The following DNAI1 variants were observed in gnomAD, a reference collection of about 807,000 sequenced individuals.
DNAI1 encodes the protein dynein axonemal intermediate chain 1, also known as dynein, axonemal, intermediate polypeptide 1.
In DNAI1, 67 loss-of-function variants were observed where a neutral mutation model predicts 92.0. That is an observed-to-expected ratio of 0.73 (90% CI 0.60 to 0.89). DNAI1 has a LOEUF of 0.89. DNAI1 is among the 40% of genes least tolerant of loss of function. The pLI is 0.00. For missense variants in DNAI1, 839 were observed against 866.6 expected, an observed-to-expected ratio of 0.97 and a Z score of 0.40; for synonymous variants, 323 against 319.6, an observed-to-expected ratio of 1.01 and a Z score of -0.11.
chr9:34,495,729 T>A (rs1824708858), intron 9 of DNAI1, among the ~76,000 whole-genome samples: 3 of 152,108 alleles, frequency 2.0e-5, no homozygotes, highest in Admixed American at 2.0e-4. Context: ...AGGTAGAAGA[T>A]GCAGGGAGGG....
At chr9:34,514,861 G>A in intron 18 of DNAI1, 122 bp downstream of exon 18, 1 of 1,104,552 alleles carries the variant, frequency 9.1e-7, no homozygotes, top group Non-Finnish European at 1.3e-6. Flanking sequence ...GGGACATAAG[G>A]ACTGTGTATT....
chr9:34,485,005 G>A (rs1824442378), intron 2 of DNAI1, 137 bp from the exon 3 acceptor site: 2 of 823,398 alleles, frequency 2.4e-6, no homozygotes, highest in South Asian at 2.8e-5. Flanking sequence ...TTTCATGAGT[G>A]GTATGTTATA....
intron 4 of DNAI1, chr9:34,489,111 A>C (rs1824529320): frequency 5.4e-6 from 3 of 558,438 alleles, no homozygotes; most frequent in African/African-American, 1.9e-5. Flanking sequence ...CTTGATGATA[A>C]CTTTAAAAAA....
At chr9:34,476,600 C>T (rs898796442) in intron 1 of DNAI1, among the ~76,000 whole-genome samples, 3 of 152,132 alleles carry the variant, frequency 2.0e-5, no homozygotes, top group Non-Finnish European at 4.4e-5. Context: ...AGAGAGGTGG[C>T]ATCTTGAATG....
chr9:34,480,093 G>T (rs1023400431), intron 1 of DNAI1, among the ~76,000 whole-genome samples: 2 of 152,144 alleles, frequency 1.3e-5, no homozygotes, highest in African/African-American at 4.8e-5. Flanking sequence ...GTGCCATGCT[G>T]CCACCAACGT....
chr9:34,504,730 C>T (rs967797675), intron 12 of DNAI1, among the ~76,000 whole-genome samples: 5 of 152,234 alleles, frequency 3.3e-5, no homozygotes, highest in African/African-American at 4.8e-5. Context: ...GAGCCCAGCT[C>T]GGCACCATGG....
chr9:34,508,931 GTC>G (rs978095800), intron 13 of DNAI1, among the ~76,000 whole-genome samples: 20 of 152,268 alleles, frequency 1.3e-4, no homozygotes, highest in Non-Finnish European at 2.5e-4. Context: ...GGACCCACCT[GTC>G]TCTCACTTGT....
At chr9:34,493,171 C>T (rs1824643195) in intron 8 of DNAI1, 23 bp from the exon 9 acceptor site, 2 of 1,614,004 alleles carry the variant, frequency 1.2e-6, no homozygotes, top group East Asian at 2.2e-5. Flanking sequence ...TACAATGATC[C>T]TTCTTATCTC....
intron 9 of DNAI1, 65 bp downstream of exon 9, chr9:34,493,393 A>T: frequency 3.7e-6 from 6 of 1,608,548 alleles, no homozygotes; most frequent in Non-Finnish European, 4.3e-6. Context: ...CTCTGGGTAG[A>T]CAGAAGCCTG....
chr9:34,462,894 GA>G (rs1823975454), intron 1 of DNAI1, among the ~76,000 whole-genome samples: 1 of 152,152 alleles, frequency 6.6e-6, no homozygotes, highest in African/African-American at 2.4e-5. Context: ...GATATAGCAA[GA>G]AACAAAACAA....
At chr9:34,459,407 TTG>T (rs1364246073) in intron 1 of DNAI1, among the ~76,000 whole-genome samples, 2 of 152,174 alleles carry the variant, frequency 1.3e-5, no homozygotes, top group African/African-American at 4.8e-5. Flanking sequence ...TCTCACATTC[TTG>T]TCCCAAAGGA....
At chr9:34,510,831 T>C (rs1484055735) in intron 13 of DNAI1, among the ~76,000 whole-genome samples, 1 of 151,940 alleles carries the variant, frequency 6.6e-6, no homozygotes, top group Non-Finnish European at 1.5e-5. Context: ...AGAAGCGGTC[T>C]CAATATTAGG....
At chr9:34,509,214 A>G (rs1381536462) in intron 13 of DNAI1, among the ~76,000 whole-genome samples, 1 of 152,132 alleles carries the variant, frequency 6.6e-6, no homozygotes, top group East Asian at 1.9e-4. Context: ...AGAGGAAGCA[A>G]CACCTGAGCT....
chr9:34,488,247 G>A, intron 4 of DNAI1: 1 of 177,386 alleles, frequency 5.6e-6, no homozygotes, highest in South Asian at 9.2e-5. Flanking sequence ...TAAGCCCAAA[G>A]TCATGAAGAT....
At chr9:34,495,870 AG>A (rs1824711809) in intron 9 of DNAI1, among the ~76,000 whole-genome samples, 1 of 152,198 alleles carries the variant, frequency 6.6e-6, no homozygotes, top group African/African-American at 2.4e-5. Context: ...AGCTGGAACC[AG>A]GTGAACTCTG....
In DNAI1 at chr9:34,500,811, A is replaced by G; in HGVS notation, c.991A>G (p.Lys331Glu). ...CTGGAAGTTCCAAAATGACAAAGCCAAGCGCCTGTCCGTCACTGCCCTCTG... is the reference window on the plus strand; with the variant it reads ...CTGGAAGTTCCAAAATGACAAAGCCGAGCGCCTGTCCGTCACTGCCCTCTG... The part of the protein sequence containing the change: ...PLWKFQNDKA[K>E]RLSVTALCWN... Residue 331 changes from lysine (K) to glutamate (E), a missense_variant, in exon 11 of 20, where the codon AAG (lysine) becomes GAG (glutamate). Lys to Glu is a moderately conservative substitution (Grantham distance 56). Transcript: ENST00000242317. 2 of 1,614,198 alleles carry G rather than the reference A, an allele frequency of 1.2e-6. No individual in the cohort carries two copies. The highest frequency in any genetic ancestry group is 1.7e-6 in the Non-Finnish European group (2 of 1,180,016).
At position 34,459,068 on chromosome 9, in the gene DNAI1, C is replaced by T; in HGVS notation, c.48+15C>T. The T allele has an allele frequency of 6.2e-7, 1 of 1,613,242 alleles. No homozygotes were observed. The highest frequency in any genetic ancestry group is 8.5e-7 in the Non-Finnish European group (1 of 1,179,218). On this transcript the variant is annotated intron_variant, in intron 1 of 19. Transcript: ENST00000242317. ...CTCATAAGCAGGTAACGTACGCACA[C>T]CTTCCTTCTGATGACCTCTGACCTT...
intron 19 of DNAI1, among the ~76,000 whole-genome samples, chr9:34,519,058 C>T (rs983861093): frequency 1.3e-5 from 2 of 152,174 alleles, no homozygotes; most frequent in African/African-American, 4.8e-5. Context: ...TGGGGACCTA[C>T]GTCTCTGAGG....
intron 1 of DNAI1, among the ~76,000 whole-genome samples, chr9:34,468,187 CTT>C (rs35471260): frequency 4.8e-5 from 7 of 144,580 alleles, no homozygotes; most frequent in African/African-American, 1.0e-4. Context: ...AGGAAGAAGG[CTT>C]TTTTTTTTTT....
Sources: gnomAD v4.1 joint callset for allele counts (sites outside exome capture counted in the v4.1 genomes callset) on GRCh38, gnomAD v4.1.1 for gene constraint, MANE v1.5 for transcripts, NCBI Gene and HGNC (gene_info 2026-07-23, HGNC 2026-07-21) for gene names.